PCDHGB4: variants seen among roughly 807,000 people sequenced by gnomAD.
PCDHGB4 encodes protocadherin gamma-B4.
PCDHGB4 carries 38 observed loss-of-function variants against 60.5 expected under a neutral mutation model. The observed-to-expected ratio is 0.63, with a 90% confidence interval of 0.48 to 0.82. The LOEUF is 0.82. Ranked by LOEUF, PCDHGB4 falls within the 40% of genes least tolerant of loss-of-function variation. PCDHGB4 has a pLI of 0.00. For synonymous variants in PCDHGB4, 456 were observed against 509.7 expected (o/e 0.89, Z 1.42); for missense variants, 1,109 against 1,209.6 (o/e 0.92, Z 1.23).
intron 1 of PCDHGB4, chr5:141,430,923 A>C (rs2097325574): frequency 6.2e-7 from 1 of 1,607,168 alleles, no homozygotes; most frequent in African/African-American, 1.3e-5. Context: ...CTGGGGCTGG[A>C]GCCCCGGGAG....
intron 1 of PCDHGB4, among the ~76,000 whole-genome samples, chr5:141,446,167 G>A (rs1357034077): frequency 6.6e-6 from 1 of 152,188 alleles, no homozygotes; most frequent in African/African-American, 2.4e-5. Flanking sequence ...ATTTCATGAG[G>A]GCAGGGGGTG....
In PCDHGB4 at chr5:141,408,872, G is replaced by T. The variant is rs752537671; in HGVS notation, c.2397+18591G>T. 3.1e-6 allele frequency: 5 copies of T among 1,613,448 alleles called. No individual in the cohort carries two copies. The highest frequency in any genetic ancestry group is 4.2e-6 in the Non-Finnish European group (5 of 1,179,760). Reference sequence around the variant, plus strand: ...GGACGGAGGGGACCCACCAAGAAGTGCCACCGCTCACATAGAAATTTCTGT... The same window carrying T: ...GGACGGAGGGGACCCACCAAGAAGTTCCACCGCTCACATAGAAATTTCTGT... On this transcript the variant is annotated intron_variant, in intron 1 of 3. Transcript: ENST00000519479.
chr5:141,487,100 C>A lies in PCDHGB4; in HGVS notation c.2398-7707C>A. ...CCCAGCTGACCTCCCACCACAGAAGCTGGTCATTGTGGTAAAGGATAGTGG... is the reference window on the plus strand; with the variant it reads ...CCCAGCTGACCTCCCACCACAGAAGATGGTCATTGTGGTAAAGGATAGTGG... On this transcript the variant is annotated intron_variant, in intron 1 of 3. Coordinates refer to ENST00000519479, the MANE Select transcript of PCDHGB4 (RefSeq NM_003736.4). This position sits in a 1 kb window ranked among gnomAD's most constrained non-coding sequence, Gnocchi z 5.0. The A allele has an allele frequency of 1.2e-6, 2 of 1,614,076 alleles. No homozygotes were observed. The highest frequency in any genetic ancestry group is 1.7e-6 in the Non-Finnish European group (2 of 1,179,960).
intron 1 of PCDHGB4, chr5:141,403,402 A>T: frequency 6.2e-7 from 1 of 1,614,076 alleles, no homozygotes; most frequent in Non-Finnish European, 8.5e-7. Flanking sequence ...TTCCTGGAGC[A>T]CGTTATCCAC....
In PCDHGB4 at chr5:141,489,399, C is replaced by A. The variant is rs2099686689; in HGVS notation, c.2398-5408C>A. On this transcript the variant is annotated intron_variant, in intron 1 of 3. Coordinates refer to ENST00000519479, the MANE Select transcript of PCDHGB4 (RefSeq NM_003736.4). The surrounding 1 kb of genome is among the most constrained non-coding windows in gnomAD (Gnocchi z 4.5). ...TGGGGAATGTTGCTCAGGATCTGGGCTTAAAGATGACAGATCTGTTGAGCC... is the reference window on the plus strand; with the variant it reads ...TGGGGAATGTTGCTCAGGATCTGGGATTAAAGATGACAGATCTGTTGAGCC... 1 of 1,614,024 alleles carries A rather than the reference C, an allele frequency of 6.2e-7. No homozygotes were observed. Among genetic ancestry groups the A allele is most frequent in the African/African-American group, 1.3e-5 (1 of 74,910 alleles).
intron 1 of PCDHGB4, among the ~76,000 whole-genome samples, chr5:141,437,452 G>GACTAT (rs1319101256): frequency 6.6e-6 from 1 of 152,144 alleles, no homozygotes; most frequent in Non-Finnish European, 1.5e-5. Context: ...ATGTTGAGGA[G>GACTAT]ACTATACTAT....
Position 141,431,240 on chromosome 5 carries a change from G to A in PCDHGB4, c.2397+40959G>A, listed in dbSNP as rs1402814836. 6 of 1,614,044 alleles carry A rather than the reference G, an allele frequency of 3.7e-6. No individual in the cohort carries two copies. Among genetic ancestry groups the A allele is most frequent in the Non-Finnish European group, 5.1e-6 (6 of 1,180,056 alleles). On this transcript the variant is annotated intron_variant, in intron 1 of 3. Coordinates refer to ENST00000519479, the MANE Select transcript of PCDHGB4 (RefSeq NM_003736.4). The surrounding 1 kb of genome is among the most constrained non-coding windows in gnomAD (Gnocchi z 4.8). Reference sequence around the variant, plus strand: ...CCCTCTACCCCACGCCTGGGATCCGGATATCGGGAAGAACTCTCTGCAGAG... The same window carrying A: ...CCCTCTACCCCACGCCTGGGATCCGAATATCGGGAAGAACTCTCTGCAGAG...
At chr5:141,399,613 G>C (rs752648693) in intron 1 of PCDHGB4, 1 of 1,613,928 alleles carries the variant, frequency 6.2e-7, no homozygotes, top group South Asian at 1.1e-5. Context: ...AGAGCCTCTG[G>C]CACTGGCCTC....
intron 1 of PCDHGB4, chr5:141,404,461 C>T: frequency 1.2e-6 from 2 of 1,613,208 alleles, no homozygotes; most frequent in Non-Finnish European, 1.7e-6. Flanking sequence ...CTCTCTCCAC[C>T]TATGTCTCTA....
intron 1 of PCDHGB4, chr5:141,410,091 G>A: frequency 8.7e-6 from 14 of 1,612,518 alleles, no homozygotes; most frequent in African/African-American, 1.3e-5. Flanking sequence ...CGCACGGCTC[G>A]AGCCTTAGGC....
Position 141,390,012 on chromosome 5 carries a change from G to A in PCDHGB4, c.2128G>A (p.Ala710Thr), listed in dbSNP as rs370865188. The part of the protein sequence containing the change: ...LFLVAMILAI[A>T]LRLRRSSSPA... ...CCTCGTGGCCATGATTCTGGCCATT[G>A]CCTTGCGCCTGCGACGCTCCTCCAG... Residue 710 changes from alanine (A) to threonine (T), a missense_variant, in exon 1 of 4, where the codon GCC becomes ACC. Coordinates refer to ENST00000519479, the MANE Select transcript of PCDHGB4 (RefSeq NM_003736.4). 1.2e-6 allele frequency: 2 copies of A among 1,614,034 alleles called. No individual in the cohort carries two copies. Among genetic ancestry groups the A allele is most frequent in the South Asian group, 2.2e-5 (2 of 91,078 alleles).
In PCDHGB4 at chr5:141,485,037, C is replaced by T. The variant is rs2099605532; in HGVS notation, c.2398-9770C>T. 1.0e-5 allele frequency: 7 copies of T among 702,746 alleles called. No individual in the cohort carries two copies. Among genetic ancestry groups the T allele is most frequent in the Non-Finnish European group, 1.5e-5 (6 of 402,836 alleles). 43.5% of individuals were successfully genotyped at this position (702,746 alleles called of 1,614,324 possible). A position where few individuals can be genotyped will look rare whatever the true frequency, so the allele number is the denominator to read the frequency against. ...GCCACCAGCAAAAACGGCGCGTAAC[C>T]CTTGCGGCGCCGGCCGAACCGCGCC... is the stretch of plus-strand genomic sequence containing the variant. On this transcript the variant is annotated intron_variant, in intron 1 of 3. Transcript: ENST00000519479. The surrounding 1 kb of genome is among the most constrained non-coding windows in gnomAD (Gnocchi z 5.7).
At chr5:141,495,652 T>C (rs1403816239) in intron 2 of PCDHGB4, among the ~76,000 whole-genome samples, 2 of 152,336 alleles carry the variant, frequency 1.3e-5, no homozygotes, top group Admixed American at 6.5e-5. Context: ...CTACTTGCAT[T>C]GATCTGTGCC....
At chr5:141,414,409 A>AG in intron 1 of PCDHGB4, 1 of 1,613,870 alleles carries the variant, frequency 6.2e-7, no homozygotes. Flanking sequence ...GGTGATACAC[A>AG]GAGCCCTTGA....
intron 1 of PCDHGB4, among the ~76,000 whole-genome samples, chr5:141,445,318 G>T (rs182520609): frequency 2.0e-4 from 30 of 152,306 alleles, no homozygotes; most frequent in African/African-American, 7.2e-4. Context: ...TAGGTTGAGA[G>T]AACCCATCCA....
In PCDHGB4 at chr5:141,490,453, T is replaced by C; in HGVS notation, c.2398-4354T>C. 6.2e-7 allele frequency: 1 copy of C among 1,614,178 alleles called. No homozygotes were observed. Among genetic ancestry groups the C allele is most frequent in the Non-Finnish European group, 8.5e-7 (1 of 1,180,042 alleles). ...GATTAAGCCTTCTGAGAACCACTAC[T>C]CGCTGCTAACCAGCCAGCCTTTGGA... On this transcript the variant is annotated intron_variant, in intron 1 of 3. Coordinates refer to ENST00000519479, the MANE Select transcript of PCDHGB4 (RefSeq NM_003736.4). This position sits in a 1 kb window ranked among gnomAD's most constrained non-coding sequence, Gnocchi z 5.4.
rs534187376 is a variant in PCDHGB4 at position 141,512,974 on chromosome 5, A to G, written c.*1801A>G. ...AAAATAATAAAACGTTTCTTCTGAA[A>G]AGCTGAACGTTTCTGTATAAGCGAT... is the stretch of plus-strand genomic sequence containing the variant. On this transcript the variant is annotated 3_prime_UTR_variant, in exon 4 of 4. Transcript: ENST00000519479. The G allele has an allele frequency of 6.6e-6, 1 of 152,362 alleles. No individual in the cohort carries two copies. Among genetic ancestry groups the G allele is most frequent in the South Asian group, 2.1e-4 (1 of 4,826 alleles). The allele number at this position is 152,362 out of a possible 1,614,324, so 9.4% of individuals were successfully genotyped here. A position where few individuals can be genotyped will look rare whatever the true frequency, so the allele number is the denominator to read the frequency against.
chr5:141,485,229 T>G lies in PCDHGB4; in HGVS notation c.2398-9578T>G, dbSNP rs2099609870. ...ATCTGGCGGTGGGCTACCCTTTTGT[T>G]CCTCTTTTACCACCTGGGTTACGTT... is the stretch of plus-strand genomic sequence containing the variant. On this transcript the variant is annotated intron_variant, in intron 1 of 3. Coordinates refer to ENST00000519479, the MANE Select transcript of PCDHGB4 (RefSeq NM_003736.4). The surrounding 1 kb of genome is among the most constrained non-coding windows in gnomAD (Gnocchi z 5.7). 6.2e-7 allele frequency: 1 copy of G among 1,614,042 alleles called. No individual in the cohort carries two copies. The highest frequency in any genetic ancestry group is 8.5e-7 in the Non-Finnish European group (1 of 1,180,030).
chr5:141,463,266 T>G (rs933899476), intron 1 of PCDHGB4, among the ~76,000 whole-genome samples: 16 of 151,982 alleles, frequency 1.1e-4, no homozygotes, highest in African/African-American at 3.6e-4. Context: ...CTCTATCCCA[T>G]AAATTCTGGC....
Sources: gnomAD v4.1 joint callset for allele counts (sites outside exome capture counted in the v4.1 genomes callset) on GRCh38, gnomAD v4.1.1 for gene constraint, Gnocchi (gnomAD v3.1) non-coding constraint, MANE v1.5 for transcripts, NCBI Gene and HGNC (gene_info 2026-07-23, HGNC 2026-07-21) for gene names.